Variants in HS2ST1 observed in about 807,000 individuals in gnomAD.
HS2ST1 encodes the protein 2-O-sulfotransferase.
A neutral mutation model predicts 42.9 loss-of-function variants in HS2ST1; 18 were observed. The ratio of observed to expected loss-of-function variants is 0.42; its 90% CI spans 0.29 to 0.62. The LOEUF (loss-of-function observed/expected upper bound fraction) is 0.62. HS2ST1 is among the 20% of genes least tolerant of loss of function. The pLI is 0.21. For missense variants in HS2ST1, 334 were observed against 433.8 expected, an observed-to-expected ratio of 0.77 and a Z score of 2.04; for synonymous variants, 146 against 152.9, an observed-to-expected ratio of 0.95 and a Z score of 0.33.
chr1:86,970,125 C>CAAAAATAGAAAAAAAAAAAAAA (rs1648186599), intron 1 of HS2ST1, among the ~76,000 whole-genome samples: 1 of 99,268 alleles, frequency 1.0e-5, no homozygotes. Flanking sequence ...AACTCCATCT[C>CAAAAATAGAAAAAAAAAAAAAA]AAAAAAAAAA....
intron 1 of HS2ST1, among the ~76,000 whole-genome samples, chr1:86,941,437 AC>A (rs1266628454): frequency 3.9e-5 from 6 of 152,098 alleles, no homozygotes; most frequent in African/African-American, 1.2e-4. Flanking sequence ...TGTACCTACT[AC>A]TTGGCTTTAT....
At chr1:86,919,067 C>T (rs1403179845) in intron 1 of HS2ST1, among the ~76,000 whole-genome samples, 1 of 151,914 alleles carries the variant, frequency 6.6e-6, no homozygotes, top group African/African-American at 2.4e-5. Flanking sequence ...GCCTCAGCCT[C>T]CCAAGTAGCG....
intron 1 of HS2ST1, among the ~76,000 whole-genome samples, chr1:87,017,017 A>T (rs1218805730): frequency 6.6e-6 from 1 of 152,088 alleles, no homozygotes; most frequent in African/African-American, 2.4e-5. Flanking sequence ...ATTAGCTTGG[A>T]AATGAAGATT....
intron 6 of HS2ST1, 107 bp downstream of exon 6, chr1:87,103,696 G>A: frequency 1.1e-6 from 1 of 879,228 alleles, no homozygotes; most frequent in Non-Finnish European, 1.7e-6. Flanking sequence ...ACAACAGATA[G>A]CTCCAGAAAG....
intron 1 of HS2ST1, among the ~76,000 whole-genome samples, chr1:87,014,904 C>T (rs899096776): frequency 6.6e-6 from 1 of 152,224 alleles, no homozygotes; most frequent in African/African-American, 2.4e-5. Flanking sequence ...TAAATACACA[C>T]ATTGTTTACT....
At position 87,103,593 on chromosome 1, in the gene HS2ST1, T is replaced by C; in HGVS notation, c.844+4T>C. The C allele has an allele frequency of 5.1e-6, 8 of 1,557,722 alleles. No homozygotes were observed. The highest frequency in any genetic ancestry group is 4.9e-5 in the South Asian group (4 of 81,172). On this transcript the variant is annotated splice_donor_region_variant and intron_variant, in intron 6 of 6. Transcript: ENST00000370550. The stretch of plus-strand genomic sequence containing the variant: ...GCTACTGAACTCTATCGCACAGGTA[T>C]ATAAAGGAAGGGTTTCTTTTTAAAG...
intron 4 of HS2ST1, among the ~76,000 whole-genome samples, chr1:87,093,939 C>G (rs776024174): frequency 3.9e-5 from 6 of 151,950 alleles, no homozygotes; most frequent in Non-Finnish European, 1.5e-5. Context: ...GATCCAAACA[C>G]AGATAACTAA....
intron 1 of HS2ST1, among the ~76,000 whole-genome samples, chr1:86,964,804 A>G (rs1647995656): frequency 6.6e-6 from 1 of 152,238 alleles, no homozygotes; most frequent in South Asian, 2.1e-4. Flanking sequence ...TGAGTTCCTA[A>G]AGGTTACACA....
At chr1:86,954,247 G>A (rs1356043352) in intron 1 of HS2ST1, among the ~76,000 whole-genome samples, 3 of 151,924 alleles carry the variant, frequency 2.0e-5, no homozygotes, top group Non-Finnish European at 2.9e-5. Context: ...TACTTGGGAG[G>A]CTGAGGCAGG....
intron 1 of HS2ST1, among the ~76,000 whole-genome samples, chr1:87,005,748 C>T (rs925627558): frequency 3.7e-4 from 57 of 152,216 alleles, no homozygotes; most frequent in African/African-American, 1.3e-3. Context: ...CCTCACATGC[C>T]AATCCTTGTT....
Position 87,078,443 on chromosome 1 carries a change from C to T in HS2ST1, c.363+5271C>T, listed in dbSNP as rs182178254. Among the ~76,000 whole-genome samples the T allele has an allele frequency of 8.7e-4, 132 of 152,298 alleles. 1 individual carries two copies. The highest frequency in any genetic ancestry group is 3.4e-3 in the Middle Eastern group (1 of 294). On this transcript the variant is annotated intron_variant, in intron 2 of 6. Coordinates refer to ENST00000370550, the MANE Select transcript of HS2ST1 (RefSeq NM_012262.4). ...GAGTCATCAAATCCAACAAAAATCA[C>T]GGTTTACACTCTGCTTCAGGCTAGC...
intron 1 of HS2ST1, among the ~76,000 whole-genome samples, chr1:86,951,905 C>G (rs906596693): frequency 1.3e-5 from 2 of 152,174 alleles, no homozygotes; most frequent in Non-Finnish European, 2.9e-5. Flanking sequence ...TTGCTCGTCC[C>G]TAAGAAGCAA....
intron 1 of HS2ST1, among the ~76,000 whole-genome samples, chr1:86,939,538 A>G (rs1207742236): frequency 6.6e-6 from 1 of 152,210 alleles, no homozygotes; most frequent in Non-Finnish European, 1.5e-5. Flanking sequence ...TTAGGATCTT[A>G]GAATAGTGGT....
At chr1:86,970,078 T>A (rs995068664) in intron 1 of HS2ST1, among the ~76,000 whole-genome samples, 2 of 147,776 alleles carry the variant, frequency 1.4e-5, no homozygotes, top group Admixed American at 6.9e-5. Context: ...TGAGTCAAGA[T>A]CGCGCCATTG....
intron 1 of HS2ST1, among the ~76,000 whole-genome samples, chr1:86,974,688 G>A: frequency 6.6e-6 from 1 of 152,152 alleles, no homozygotes; most frequent in Non-Finnish European, 1.5e-5. Context: ...TTAAATTGTA[G>A]GACAGTCAGT....
At chr1:86,995,624 A>G (rs955459211) in intron 1 of HS2ST1, among the ~76,000 whole-genome samples, 3 of 151,934 alleles carry the variant, frequency 2.0e-5, no homozygotes, top group Non-Finnish European at 4.4e-5. Context: ...AGGTGAGGAG[A>G]TCTCTGGTTT....
chr1:87,069,733 A>G (rs1651352217), intron 1 of HS2ST1, among the ~76,000 whole-genome samples: 1 of 152,194 alleles, frequency 6.6e-6, no homozygotes, highest in African/African-American at 2.4e-5. Context: ...TACTATTTGA[A>G]TGAGGAAAGT....
chr1:87,060,868 GT>G (rs1424499529), intron 1 of HS2ST1, among the ~76,000 whole-genome samples: 1 of 152,036 alleles, frequency 6.6e-6, no homozygotes, highest in Admixed American at 6.6e-5. Flanking sequence ...AAGAATTGGT[GT>G]TTTTTGGATT....
At chr1:86,960,635 T>C (rs188946068) in intron 1 of HS2ST1, among the ~76,000 whole-genome samples, 76 of 152,298 alleles carry the variant, frequency 5.0e-4, no homozygotes, top group African/African-American at 1.7e-3. Context: ...CTGAACCTCC[T>C]TGGAGAAGAT....
Sources: gnomAD v4.1 joint callset for allele counts (sites outside exome capture counted in the v4.1 genomes callset) on GRCh38, gnomAD v4.1.1 for gene constraint, MANE v1.5 for transcripts, NCBI Gene and HGNC (gene_info 2026-07-23, HGNC 2026-07-21) for gene names.